The following ROBO1 variants were observed in gnomAD, a reference collection of about 807,000 sequenced individuals.
The protein encoded by ROBO1 is roundabout guidance receptor 1.
ROBO1 carries 149 observed loss-of-function variants against 195.9 expected under a neutral mutation model. That is an observed-to-expected ratio of 0.76 (90% confidence interval 0.67 to 0.87). ROBO1 has a LOEUF of 0.87. ROBO1 is among the 40% of genes least tolerant of loss of function. The pLI is 0.00. For missense variants in ROBO1, 1,933 were observed against 2,068.3 expected (o/e 0.93, Z 1.27); for synonymous variants, 816 against 733.2 (o/e 1.11, Z -1.82).
chr3:78,793,153 GAAAGAA>G (rs2084077542), intron 4 of ROBO1, among the ~76,000 whole-genome samples: 1 of 149,356 alleles, frequency 6.7e-6, no homozygotes, highest in Non-Finnish European at 1.5e-5. Flanking sequence ...AAAAAAGAAA[GAAAGAA>G]AGAGAAAGGG....
At chr3:78,782,403 G>T (rs1164425830) in intron 4 of ROBO1, among the ~76,000 whole-genome samples, 1 of 151,908 alleles carries the variant, frequency 6.6e-6, no homozygotes, top group Non-Finnish European at 1.5e-5. Flanking sequence ...CACTATGTTG[G>T]CCAGGCTGGT....
intron 1 of ROBO1, among the ~76,000 whole-genome samples, chr3:79,743,626 T>G (rs2107438837): frequency 6.6e-6 from 1 of 152,370 alleles, no homozygotes; most frequent in East Asian, 1.9e-4. Context: ...ATGAATATTT[T>G]ACTCTTTTGT....
At chr3:79,624,853 T>G (rs1461850413) in intron 1 of ROBO1, among the ~76,000 whole-genome samples, 7 of 152,314 alleles carry the variant, frequency 4.6e-5, no homozygotes, top group African/African-American at 1.7e-4. Context: ...GTGGACCTGG[T>G]AGACATCTAC....
intron 3 of ROBO1, among the ~76,000 whole-genome samples, chr3:79,065,360 A>G (rs758643294): frequency 6.6e-6 from 1 of 152,002 alleles, no homozygotes; most frequent in Middle Eastern, 3.4e-3. Context: ...ACACCTGAAT[A>G]TATTGTATCT....
intron 1 of ROBO1, among the ~76,000 whole-genome samples, chr3:79,710,986 T>C (rs1199068282): frequency 6.6e-6 from 1 of 152,186 alleles, no homozygotes; most frequent in East Asian, 1.9e-4. Context: ...GAGTTGTAAA[T>C]ATGATCTACT....
chr3:79,333,491 T>G (rs1196376622), intron 2 of ROBO1, among the ~76,000 whole-genome samples: 1 of 152,058 alleles, frequency 6.6e-6, no homozygotes, highest in Non-Finnish European at 1.5e-5. Context: ...ACACATATCC[T>G]TATCAATTAT....
At chr3:79,763,793 AG>A (rs1704837638) in intron 1 of ROBO1, among the ~76,000 whole-genome samples, 1 of 152,214 alleles carries the variant, frequency 6.6e-6, no homozygotes, top group Non-Finnish European at 1.5e-5. Flanking sequence ...TAACTGTAAA[AG>A]TTTGCTCTTG....
chr3:79,553,624 A>C (rs1307157854), intron 2 of ROBO1, among the ~76,000 whole-genome samples: 2 of 152,102 alleles, frequency 1.3e-5, no homozygotes, highest in Non-Finnish European at 2.9e-5. Context: ...GAATAGTATG[A>C]ATGATTATGT....
rs1337568910 is a variant in ROBO1, at chr3:79,595,696, A to T, written c.-50-5735T>A. 3.3e-5 allele frequency among the ~76,000 whole-genome samples: 5 copies of T among 150,084 alleles called. No homozygotes were observed. In the East Asian group the frequency reaches 9.8e-4, roughly 30 times the overall value. ...TAGGACTACAGGTGTGCACCACCAC[A>T]CTTGGCTTTCTTCTCTTTTTCTTTT... On this transcript the variant is annotated intron_variant, in intron 1 of 30. Coordinates refer to ENST00000464233, the MANE Select transcript of ROBO1 (RefSeq NM_002941.4).
At chr3:78,963,782 G>A (rs2041530525) in intron 3 of ROBO1, among the ~76,000 whole-genome samples, 1 of 152,108 alleles carries the variant, frequency 6.6e-6, no homozygotes, top group Non-Finnish European at 1.5e-5. Flanking sequence ...TTCCCAAAAT[G>A]CTGGGATTAC....
intron 4 of ROBO1, among the ~76,000 whole-genome samples, chr3:78,910,191 C>T (rs139475827): frequency 3.3e-5 from 5 of 151,818 alleles, no homozygotes; most frequent in East Asian, 3.9e-4. Context: ...ATATAAAATA[C>T]TTAGCATTAT....
intron 8 of ROBO1, among the ~76,000 whole-genome samples, chr3:78,699,741 C>T (rs950337812): frequency 6.6e-6 from 1 of 151,822 alleles, no homozygotes; most frequent in African/African-American, 2.4e-5. Flanking sequence ...TCTCGTATCA[C>T]CTCTTCTCCC....
chr3:79,233,901 A>G (rs1026085434), intron 2 of ROBO1, among the ~76,000 whole-genome samples: 1 of 151,954 alleles, frequency 6.6e-6, no homozygotes, highest in Non-Finnish European at 1.5e-5. Flanking sequence ...AGATGGTGTC[A>G]TGCTGCCATT....
At chr3:79,672,617 A>C (rs773965704) in intron 1 of ROBO1, among the ~76,000 whole-genome samples, 5 of 151,806 alleles carry the variant, frequency 3.3e-5, no homozygotes, top group Non-Finnish European at 7.4e-5. Context: ...TCATACTTTA[A>C]ATTGGGGGGA....
At chr3:79,074,487 T>C (rs2079138571) in intron 3 of ROBO1, among the ~76,000 whole-genome samples, 2 of 151,860 alleles carry the variant, frequency 1.3e-5, no homozygotes, top group South Asian at 2.1e-4. Context: ...ATGGTGATCA[T>C]AGCTCACTGT....
In ROBO1 at chr3:79,157,615, A is replaced by G. The variant is rs1349061119; in HGVS notation, c.89-32076T>C. On this transcript the variant is annotated intron_variant, in intron 2 of 30. Coordinates refer to ENST00000464233, the MANE Select transcript of ROBO1 (RefSeq NM_002941.4). Reference sequence around the variant, plus strand: ...AGAGTAAACTAGGTTCTTGGTCCAGAGTTTGAAGTGTACAATAAAAGGAAT... The same window carrying G: ...AGAGTAAACTAGGTTCTTGGTCCAGGGTTTGAAGTGTACAATAAAAGGAAT... 3.3e-5 allele frequency among the ~76,000 whole-genome samples: 5 copies of G among 151,956 alleles called. No homozygotes were observed. In the East Asian group the frequency reaches 9.7e-4, roughly 29 times the overall value.
Position 78,617,793 on chromosome 3 carries a change from C to T in ROBO1, c.4124G>A (p.Gly1375Asp), listed in dbSNP as rs1296110339. 3.7e-6 allele frequency: 6 copies of T among 1,613,780 alleles called. No homozygotes were observed. The highest frequency in any genetic ancestry group is 5.1e-6 in the Non-Finnish European group (6 of 1,179,858). The change falls in exon 27 of 31, where the codon GGC becomes GAC. Residue 1375 changes from glycine (G) to aspartate (D), a missense_variant. Coordinates refer to ENST00000464233, the MANE Select transcript of ROBO1 (RefSeq NM_002941.4). ...SVTGSMINGWGSASEEDNISS... is the reference protein window; with the variant it reads ...SVTGSMINGWDSASEEDNISS... ...AATGTTGTCCTCCTCTGAGGCTGAG[C>T]CCCAGCCGTTGATCATGGACCCCGT...
At chr3:78,815,000 T>C (rs535369925) in intron 4 of ROBO1, among the ~76,000 whole-genome samples, 14 of 152,244 alleles carry the variant, frequency 9.2e-5, no homozygotes, top group African/African-American at 3.1e-4. Context: ...GTAACTATTG[T>C]AATTGTTTTG....
intron 1 of ROBO1, among the ~76,000 whole-genome samples, chr3:79,716,093 G>A (rs999972337): frequency 1.3e-5 from 2 of 152,018 alleles, no homozygotes; most frequent in Non-Finnish European, 2.9e-5. Context: ...TATGAATGGT[G>A]TAGAAAAGCT....
Sources: allele counts gnomAD v4.1 joint callset (sites outside exome capture counted in the v4.1 genomes callset), GRCh38; gene constraint gnomAD v4.1.1; transcripts MANE v1.5; gene names NCBI Gene and HGNC (gene_info 2026-07-23, HGNC 2026-07-21).